The following NCKAP5 variants were observed in gnomAD, a reference collection of about 807,000 sequenced individuals.
NCKAP5 encodes nck-associated protein 5.
In NCKAP5, 92 loss-of-function variants were observed where a neutral mutation model predicts 167.0. The observed-to-expected ratio is 0.55, with a 90% confidence interval of 0.47 to 0.66. The LOEUF is 0.66. Ranked by LOEUF, NCKAP5 falls within the 30% of genes least tolerant of loss-of-function variation. The pLI is 0.00. For missense variants in NCKAP5, 2,378 were observed against 2,315.0 expected (o/e 1.03, Z -0.56); for synonymous variants, 891 against 877.4 (o/e 1.02, Z -0.27).
chr2:133,321,363 G>A (rs895666869), intron 3 of NCKAP5, among the ~76,000 whole-genome samples: 2 of 152,122 alleles, frequency 1.3e-5, no homozygotes, highest in Non-Finnish European at 2.9e-5. Flanking sequence ...GAGGTCCCAG[G>A]TTTTACCTAA....
rs764412824 is a variant in NCKAP5, at chr2:133,130,069, G to GT, written c.249dup (p.Arg84ThrfsTer16). The stretch of plus-strand genomic sequence containing the variant: ...TGCAACCGCTTCTCGCTTTGAAGAC[G>GT]TAAGTGTCTCTCCTCTTCCAGTTCA... On this transcript the variant is annotated frameshift_variant, in exon 6 of 20. Transcript: ENST00000409261. LOFTEE classifies it high-confidence loss of function. 2.5e-6 allele frequency: 4 copies of GT among 1,612,028 alleles called. No homozygotes were observed. Among genetic ancestry groups the GT allele is most frequent in the Non-Finnish European group, 3.4e-6 (4 of 1,179,204 alleles).
At chr2:133,050,293 G>A (rs2079557375) in intron 6 of NCKAP5, among the ~76,000 whole-genome samples, 1 of 152,074 alleles carries the variant, frequency 6.6e-6, no homozygotes, top group Non-Finnish European at 1.5e-5. Context: ...GATTCAGTGG[G>A]TGGGAAGGGG....
At chr2:133,588,969 G>T in the NCKAP5 span, among the ~76,000 whole-genome samples, 1 of 152,194 alleles carries the variant, frequency 6.6e-6, no homozygotes, top group African/African-American at 2.4e-5. Context: ...GGGAGGAAAT[G>T]AGGTGCAGTG....
intron 12 of NCKAP5, among the ~76,000 whole-genome samples, chr2:132,791,910 C>T (rs1684101141): frequency 6.6e-6 from 1 of 152,198 alleles, no homozygotes; most frequent in South Asian, 2.1e-4. Flanking sequence ...CAGCCCTGCC[C>T]ACTCATGTCC....
At chr2:132,747,179 A>AAAAC (rs1553488479) in intron 16 of NCKAP5, among the ~76,000 whole-genome samples, 8 of 152,112 alleles carry the variant, frequency 5.3e-5, no homozygotes, top group Non-Finnish European at 1.0e-4. Flanking sequence ...GCCAAAAAAA[A>AAAAC]AAAACAAAAC....
At chr2:133,339,163 C>T (rs572987148) in intron 3 of NCKAP5, among the ~76,000 whole-genome samples, 1 of 152,136 alleles carries the variant, frequency 6.6e-6, no homozygotes, top group Non-Finnish European at 1.5e-5. Context: ...TATCAATTTT[C>T]CTTGTTTCTC....
chr2:133,206,431 G>A (rs2085955905), intron 5 of NCKAP5, among the ~76,000 whole-genome samples: 1 of 151,982 alleles, frequency 6.6e-6, no homozygotes, highest in Non-Finnish European at 1.5e-5. Flanking sequence ...AACATAAATT[G>A]TGAAGATTTC....
chr2:133,495,772 TG>T (rs1262587134), intron 3 of NCKAP5, among the ~76,000 whole-genome samples: 1 of 152,232 alleles, frequency 6.6e-6, no homozygotes, highest in Non-Finnish European at 1.5e-5. Context: ...ATAGTAGATC[TG>T]GGTAGAATTA....
chr2:133,276,202 GTA>G (rs1286883563), intron 4 of NCKAP5, among the ~76,000 whole-genome samples: 2 of 152,056 alleles, frequency 1.3e-5, no homozygotes, highest in Non-Finnish European at 2.9e-5. Flanking sequence ...TAAGACTGCA[GTA>G]TATAACACAC....
chr2:132,758,917 T>C (rs189503268), intron 16 of NCKAP5, among the ~76,000 whole-genome samples: 66 of 152,352 alleles, frequency 4.3e-4, no homozygotes, highest in African/African-American at 1.5e-3. Context: ...TAACCCATCC[T>C]AACAACTTTA....
intron 13 of NCKAP5, among the ~76,000 whole-genome samples, chr2:132,786,749 A>ATTGTT (rs1406474315): frequency 6.6e-6 from 1 of 152,082 alleles, no homozygotes; most frequent in Admixed American, 6.5e-5. Flanking sequence ...GACAACTGAG[A>ATTGTT]CTCATTGTTG....
At chr2:132,925,597 C>T (rs1405195486) in intron 8 of NCKAP5, among the ~76,000 whole-genome samples, 4 of 151,314 alleles carry the variant, frequency 2.6e-5, no homozygotes, top group Non-Finnish European at 4.4e-5. Flanking sequence ...CTAATGCTGC[C>T]ACTTATCTGA....
chr2:132,982,634 A>G (rs1258064714), intron 7 of NCKAP5, among the ~76,000 whole-genome samples: 1 of 152,204 alleles, frequency 6.6e-6, no homozygotes, highest in Non-Finnish European at 1.5e-5. Context: ...AGCATAGTAC[A>G]CTATAGCTTT....
At chr2:133,315,668 G>A (rs1681554277) in intron 3 of NCKAP5, among the ~76,000 whole-genome samples, 1 of 152,010 alleles carries the variant, frequency 6.6e-6, no homozygotes, top group Non-Finnish European at 1.5e-5. Flanking sequence ...AGGCCAGTGA[G>A]GGAGGAACAG....
At chr2:133,323,561 A>G (rs1682219123) in intron 3 of NCKAP5, among the ~76,000 whole-genome samples, 1 of 152,242 alleles carries the variant, frequency 6.6e-6, no homozygotes, top group Non-Finnish European at 1.5e-5. Context: ...ACAAAAGTTA[A>G]TGGATTAAAT....
chr2:132,842,377 C>T (rs1474633693), intron 11 of NCKAP5, among the ~76,000 whole-genome samples: 2 of 151,992 alleles, frequency 1.3e-5, no homozygotes, highest in Non-Finnish European at 2.9e-5. Flanking sequence ...TGGGAATATA[C>T]ATACATATAT....
chr2:132,975,775 A>T (rs2149251176), intron 7 of NCKAP5, among the ~76,000 whole-genome samples: 2 of 152,218 alleles, frequency 1.3e-5, no homozygotes, highest in South Asian at 4.1e-4. Context: ...TTACATGCTT[A>T]AGAGTCAGAG....
At chr2:133,354,559 A>C (rs547513705) in intron 3 of NCKAP5, among the ~76,000 whole-genome samples, 1 of 152,360 alleles carries the variant, frequency 6.6e-6, no homozygotes, top group East Asian at 1.9e-4. Context: ...CCAATAGATA[A>C]GAAGGTTCTA....
chr2:133,055,942 G>GCTTTCTT (rs1337067829), intron 6 of NCKAP5, among the ~76,000 whole-genome samples: 3 of 152,128 alleles, frequency 2.0e-5, no homozygotes, highest in Admixed American at 2.0e-4. Flanking sequence ...AACAATAAAT[G>GCTTTCTT]CTTTCTTCTT....
Sources: gnomAD v4.1 joint callset for allele counts (sites outside exome capture counted in the v4.1 genomes callset) on GRCh38, gnomAD v4.1.1 for gene constraint, MANE v1.5 for transcripts, NCBI Gene and HGNC (gene_info 2026-07-23, HGNC 2026-07-21) for gene names.